Variants in KCNQ1 observed in about 807,000 individuals in gnomAD.
KCNQ1 encodes the protein potassium voltage-gated channel subfamily KQT member 1.
Under a neutral mutation model 72.4 loss-of-function variants are expected in KCNQ1, and 49 were observed. That is an observed-to-expected ratio of 0.68 (90% CI 0.54 to 0.86). The LOEUF is 0.86. Among genes scored for constraint, KCNQ1 ranks in the 40% least tolerant of loss-of-function variants. The pLI is 0.00. For synonymous variants in KCNQ1, 450 were observed against 412.6 expected, an observed-to-expected ratio of 1.09 and a Z score of -1.10; for missense variants, 790 against 945.1, an observed-to-expected ratio of 0.84 and a Z score of 2.15.
chr11:2,587,499 G>A, intron 8 of KCNQ1, 71 bp from the exon 9 acceptor site: 2 of 1,604,028 alleles, frequency 1.2e-6, no homozygotes, highest in South Asian at 1.1e-5. Context: ...GGGAGGGGGA[G>A]CTGTAGCTTC....
intron 15 of KCNQ1, among the ~76,000 whole-genome samples, chr11:2,846,219 G>A (rs146335957): frequency 1.2e-4 from 18 of 152,314 alleles, no homozygotes; most frequent in African/African-American, 4.3e-4. Context: ...GCCAGCTCCC[G>A]CCTGCTGCCT....
At chr11:2,729,481 C>T (rs541126206) in intron 11 of KCNQ1, among the ~76,000 whole-genome samples, 1 of 152,342 alleles carries the variant, frequency 6.6e-6, no homozygotes, top group South Asian at 2.1e-4. Flanking sequence ...TACGAAATTC[C>T]AAAGGGATGT....
intron 11 of KCNQ1, chr11:2,699,166 T>C (rs1342783629): frequency 5.0e-6 from 2 of 398,240 alleles, no homozygotes; most frequent in Non-Finnish European, 8.9e-6. Flanking sequence ...TGAACCACCA[T>C]GAGAACTATA....
At chr11:2,638,732 G>A (rs78192101) in intron 10 of KCNQ1, 5 of 152,228 alleles carry the variant, frequency 3.3e-5, no homozygotes, top group African/African-American at 7.2e-5. Context: ...GCCTTGCTAG[G>A]TTGGGGAAGT....
Position 2,816,981 on chromosome 11 carries a change from G to A in KCNQ1, c.1795-30786G>A, listed in dbSNP as rs909972887. 2.6e-5 allele frequency among the ~76,000 whole-genome samples: 4 copies of A among 152,064 alleles called. No homozygotes were observed. Among genetic ancestry groups the A allele is most frequent in the South Asian group, 2.1e-4 (1 of 4,832 alleles). Reference sequence around the variant, plus strand: ...CCCTCCAAAACCTTGGTCCCTGTCCGCAGAGGGTGTCAGGGCTTGAGGTCA... The same window carrying A: ...CCCTCCAAAACCTTGGTCCCTGTCCACAGAGGGTGTCAGGGCTTGAGGTCA... On this transcript the variant is annotated intron_variant, in intron 15 of 15. Coordinates refer to ENST00000155840, the MANE Select transcript of KCNQ1 (RefSeq NM_000218.3). The surrounding 1 kb of genome is among the most constrained non-coding windows in gnomAD (Gnocchi z 6.8).
At chr11:2,529,200 G>T (rs960694247) in intron 2 of KCNQ1, among the ~76,000 whole-genome samples, 2 of 152,178 alleles carry the variant, frequency 1.3e-5, no homozygotes, top group African/African-American at 2.4e-5. Flanking sequence ...CTGCTTTGGG[G>T]TTTTTCTATT....
chr11:2,589,350 C>T (rs1019751802), intron 10 of KCNQ1, among the ~76,000 whole-genome samples: 3 of 152,150 alleles, frequency 2.0e-5, no homozygotes, highest in South Asian at 2.1e-4. Context: ...CGAGTCTGTG[C>T]GTGATGGTGT....
chr11:2,829,030 C>G (rs1847892180), intron 15 of KCNQ1, among the ~76,000 whole-genome samples: 1 of 152,222 alleles, frequency 6.6e-6, no homozygotes. Context: ...TAGTCAAACT[C>G]TCAGGTATGA....
rs548358994 is a variant in KCNQ1, at chr11:2,528,364, C to A, written c.477+346C>A. ...AAGGCCTGCCCGAGCCTTCGTGTCC[C>A]TGGGGTCTGGGTGACTCTGTTCCTG... On this transcript the variant is annotated intron_variant, in intron 2 of 15. Transcript: ENST00000155840. Among the ~76,000 whole-genome samples, 35 of 152,316 alleles carry A rather than the reference C, an allele frequency of 2.3e-4. No homozygotes were observed. In the South Asian group the frequency reaches 6.8e-3, roughly 30 times the overall value.
chr11:2,729,084 C>T (rs1845809552), intron 11 of KCNQ1, among the ~76,000 whole-genome samples: 1 of 152,254 alleles, frequency 6.6e-6, no homozygotes, highest in African/African-American at 2.4e-5. Flanking sequence ...CCGCCTGCCC[C>T]AGGCGGGCAC....
At position 2,625,390 on chromosome 11, in the gene KCNQ1, A is replaced by G. The variant is rs7118939; in HGVS notation, c.1393+36536A>G. On this transcript the variant is annotated intron_variant, in intron 10 of 15. Transcript: ENST00000155840. ...CCCACCTTAACCTCCCACGTAGCTG[A>G]TACTAGAGATGGGTCTCACTATGTT... 360,879 of 398,528 alleles carry G rather than the reference A, an allele frequency of 0.91. 163,627 individuals carry two copies. The highest frequency in any genetic ancestry group is 0.99 in the East Asian group (27,869 of 28,068). The allele number at this position is 398,528 out of a possible 1,614,324, so 24.7% of individuals were successfully genotyped here.
rs1846469567 is a variant in KCNQ1, at chr11:2,471,766, G to C, written c.386+26282G>C. Among the ~76,000 whole-genome samples the C allele has an allele frequency of 6.6e-6, 1 of 151,480 alleles. No individual in the cohort carries two copies. The highest frequency in any genetic ancestry group is 1.5e-5 in the Non-Finnish European group (1 of 67,888). On this transcript the variant is annotated intron_variant, in intron 1 of 15. Coordinates refer to ENST00000155840, the MANE Select transcript of KCNQ1 (RefSeq NM_000218.3). The surrounding 1 kb of genome is among the most constrained non-coding windows in gnomAD (Gnocchi z 4.8). ...CATGGGCGTGTGTGTACTTGTGTAT[G>C]GGTGTGTGCATGTGATTGGGTGTGT...
chr11:2,485,428 C>G (rs756546167), intron 1 of KCNQ1, among the ~76,000 whole-genome samples: 1 of 149,198 alleles, frequency 6.7e-6, no homozygotes, highest in South Asian at 2.2e-4. Context: ...GCAGGCCTCT[C>G]GCACAGATGA....
At position 2,646,608 on chromosome 11, in the gene KCNQ1, C is replaced by T. The variant is rs1413906735; in HGVS notation, c.1394-15353C>T. 3 of 398,654 alleles carry T rather than the reference C, an allele frequency of 7.5e-6. No homozygotes were observed. In the East Asian group the frequency reaches 1.1e-4, roughly 14 times the overall value. The allele number at this position is 398,654 out of a possible 1,614,324, so 24.7% of individuals were successfully genotyped here. On this transcript the variant is annotated intron_variant, in intron 10 of 15. Coordinates refer to ENST00000155840, the MANE Select transcript of KCNQ1 (RefSeq NM_000218.3). ...TGGTGCAATTTCTGCTCACTGCAAC[C>T]TTCACCTCCGAGGTTCAAGTGATCC...
At chr11:2,634,870 T>G (rs1296517183) in intron 10 of KCNQ1, 2 of 152,242 alleles carry the variant, frequency 1.3e-5, no homozygotes, top group Non-Finnish European at 2.9e-5. Flanking sequence ...ATGATTGCCA[T>G]TCTAACTGGT....
In KCNQ1 at chr11:2,544,388, ATATGTG is replaced by A. The variant is rs1458365928; in HGVS notation, c.477+16374_477+16379del. Among the ~76,000 whole-genome samples the A allele has an allele frequency of 1.5e-4, 16 of 107,282 alleles. No homozygotes were observed. The highest frequency in any genetic ancestry group is 4.0e-4 in the East Asian group (1 of 2,524). 70.4% of individuals were successfully genotyped at this position (107,282 alleles called of 152,430 possible). On this transcript the variant is annotated intron_variant, in intron 2 of 15. Coordinates refer to ENST00000155840, the MANE Select transcript of KCNQ1 (RefSeq NM_000218.3). The surrounding 1 kb of genome is among the most constrained non-coding windows in gnomAD (Gnocchi z 4.4). ...TATATGTGTATATATATGTGTGCAT[ATATGTG>A]TATATATGTGTGTGTATATATATAT... is the stretch of plus-strand genomic sequence containing the variant.
chr11:2,513,626 C>T (rs184196904), intron 1 of KCNQ1, among the ~76,000 whole-genome samples: 79 of 152,332 alleles, frequency 5.2e-4, no homozygotes, highest in Non-Finnish European at 7.9e-4. Context: ...CGCCTGCTGT[C>T]GGGAGCCTCC....
rs1339291172 is a variant in KCNQ1 at position 2,561,070 on chromosome 11, C to T, written c.478-9558C>T. Among the ~76,000 whole-genome samples, 5 of 151,528 alleles carry T rather than the reference C, an allele frequency of 3.3e-5. No individual in the cohort carries two copies. In the South Asian group the frequency reaches 6.3e-4, roughly 19 times the overall value. On this transcript the variant is annotated intron_variant, in intron 2 of 15. Coordinates refer to ENST00000155840, the MANE Select transcript of KCNQ1 (RefSeq NM_000218.3). The stretch of plus-strand genomic sequence containing the variant: ...ACAAAAAATTAGCCGGGCGAGGTGG[C>T]GGGCGCCTGTAGTCCCAGCTACTCG...
intron 8 of KCNQ1, among the ~76,000 whole-genome samples, chr11:2,586,862 T>C (rs1564825784): frequency 6.6e-6 from 1 of 152,154 alleles, no homozygotes; most frequent in Non-Finnish European, 1.5e-5. Flanking sequence ...CACCAGGACA[T>C]GTCCTCATAC....
Sources: gnomAD v4.1 joint callset for allele counts (sites outside exome capture counted in the v4.1 genomes callset) on GRCh38, gnomAD v4.1.1 for gene constraint, Gnocchi (gnomAD v3.1) non-coding constraint, MANE v1.5 for transcripts, NCBI Gene and HGNC (gene_info 2026-07-23, HGNC 2026-07-21) for gene names.